The following MX2 variants were observed in gnomAD, a reference collection of about 807,000 sequenced individuals.
The protein encoded by MX2 is MX dynamin like GTPase 2.
In MX2, 51 loss-of-function variants were observed where a neutral mutation model predicts 74.0. The ratio of observed to expected loss-of-function variants is 0.69; its 90% CI spans 0.55 to 0.87. The LOEUF (loss-of-function observed/expected upper bound fraction) is 0.87. MX2 is among the 40% of genes least tolerant of loss of function. MX2 has a pLI of 0.00. For synonymous variants in MX2, 369 were observed against 339.3 expected, an observed-to-expected ratio of 1.09 and a Z score of -0.96; for missense variants, 832 against 908.7, an observed-to-expected ratio of 0.92 and a Z score of 1.09.
intron 1 of MX2, among the ~76,000 whole-genome samples, chr21:41,362,556 GC>G (rs1463437880): frequency 2.6e-5 from 4 of 151,854 alleles, no homozygotes; most frequent in Non-Finnish European, 5.9e-5. Flanking sequence ...CTGATTTCTA[GC>G]CTTTGCCGAT....
At position 41,402,956 on chromosome 21, in the gene MX2, G is replaced by A. The variant is rs913055144; in HGVS notation, c.1574-311G>A. 3 of 328,230 alleles carry A rather than the reference G, an allele frequency of 9.1e-6. No homozygotes were observed. Among genetic ancestry groups the A allele is most frequent in the African/African-American group, 6.4e-5 (3 of 47,204 alleles). 20.3% of individuals were successfully genotyped at this position (328,230 alleles called of 1,614,324 possible). A position where few individuals can be genotyped will look rare whatever the true frequency, so the allele number is the denominator to read the frequency against. ...CTCACTAGCTCACTGCACACCTCCT[G>A]CCGGACACGGACTGGAACTGGTCCA... is the stretch of plus-strand genomic sequence containing the variant. On this transcript the variant is annotated intron_variant, in intron 11 of 13. Coordinates refer to ENST00000330714, the MANE Select transcript of MX2 (RefSeq NM_002463.2). This position sits in a 1 kb window ranked among gnomAD's most constrained non-coding sequence, Gnocchi z 4.5.
chr21:41,399,368 A>C, intron 10 of MX2, 31 bp downstream of exon 10: 1 of 1,607,710 alleles, frequency 6.2e-7, no homozygotes, highest in Non-Finnish European at 8.5e-7. Flanking sequence ...CCTGCAAAAC[A>C]GGGTGGTATT....
intron 4 of MX2, among the ~76,000 whole-genome samples, chr21:41,381,863 C>T (rs376655143): frequency 6.6e-6 from 1 of 152,152 alleles, no homozygotes; most frequent in East Asian, 1.9e-4. Flanking sequence ...ACTTCCTTAC[C>T]TTGTGGACTT....
chr21:41,393,020 C>T (rs1367849032), intron 6 of MX2, among the ~76,000 whole-genome samples: 2 of 146,860 alleles, frequency 1.4e-5, no homozygotes, highest in African/African-American at 2.5e-5. Context: ...GCACGAGAAT[C>T]GCTTGAACCT....
At chr21:41,386,818 G>A (rs1430599417) in intron 5 of MX2, among the ~76,000 whole-genome samples, 1 of 152,208 alleles carries the variant, frequency 6.6e-6, no homozygotes, top group Non-Finnish European at 1.5e-5. Context: ...TGGCTCAGGA[G>A]CCTGAACTCC....
chr21:41,369,718 A>C (rs2089298694), intron 1 of MX2, among the ~76,000 whole-genome samples: 1 of 152,058 alleles, frequency 6.6e-6, no homozygotes, highest in African/African-American at 2.4e-5. Flanking sequence ...CCTTCGGTAG[A>C]AGCCAGGGCC....
rs1207951621 is a variant in MX2, at chr21:41,380,442, G to T, written c.577+291G>T. 6.6e-6 allele frequency among the ~76,000 whole-genome samples: 1 copy of T among 151,902 alleles called. No homozygotes were observed. The highest frequency in any genetic ancestry group is 2.4e-5 in the African/African-American group (1 of 41,184). On this transcript the variant is annotated intron_variant, in intron 4 of 13. Coordinates refer to ENST00000330714, the MANE Select transcript of MX2 (RefSeq NM_002463.2). The surrounding 1 kb of genome is among the most constrained non-coding windows in gnomAD (Gnocchi z 4.3). ...CCTCTCCCGCTCCCCGCCAGCCCAG[G>T]CTTTCTCTACTCCACAGGGTACTCG...
intron 6 of MX2, among the ~76,000 whole-genome samples, chr21:41,391,181 A>T (rs1049982951): frequency 5.9e-5 from 9 of 152,140 alleles, no homozygotes; most frequent in Non-Finnish European, 1.0e-4. Context: ...TGAAGTAGGT[A>T]ATATCAACTG....
chr21:41,377,879 C>A lies in MX2; in HGVS notation c.340C>A (p.Gln114Lys). The A allele has an allele frequency of 1.9e-6, 3 of 1,614,244 alleles. No homozygotes were observed. Among genetic ancestry groups the A allele is most frequent in the Non-Finnish European group, 2.5e-6 (3 of 1,180,050 alleles). The stretch of plus-strand genomic sequence containing the variant: ...CTCCCTGCGGGCTCTGGGTGTGGAG[C>A]AGGACCTGGCCCTGCCAGCCATCGC... Reference protein sequence around the residue: ...IDSLRALGVEQDLALPAIAVI... With the variant: ...IDSLRALGVEKDLALPAIAVI... Residue 114 changes from glutamine to lysine, a missense_variant, in exon 3 of 14, where the codon CAG becomes AAG. Coordinates refer to ENST00000330714, the MANE Select transcript of MX2 (RefSeq NM_002463.2).
rs889343741 is a variant in MX2, at chr21:41,368,639, A to ATGAGGG, written c.-72+6599_-72+6604dup. Among the ~76,000 whole-genome samples the ATGAGGG allele has an allele frequency of 4.6e-5, 7 of 152,306 alleles. No homozygotes were observed. Among genetic ancestry groups the ATGAGGG allele is most frequent in the Middle Eastern group, 6.8e-3 (2 of 294 alleles). ...TTAGCAAGACCTGCCCTTCATGAAA[A>ATGAGGG]TGAGGGTGAGGGTGAGGGTGGCGAC... is the stretch of plus-strand genomic sequence containing the variant. On this transcript the variant is annotated intron_variant, in intron 1 of 13. Transcript: ENST00000330714. The surrounding 1 kb of genome is among the most constrained non-coding windows in gnomAD (Gnocchi z 4.6).
At chr21:41,373,639 C>T (rs955232650) in intron 1 of MX2, among the ~76,000 whole-genome samples, 1 of 152,062 alleles carries the variant, frequency 6.6e-6, no homozygotes, top group African/African-American at 2.4e-5. Context: ...TTCAAAGCAT[C>T]CAGAATCCAG....
At chr21:41,407,933 C>A in intron 13 of MX2, 58 bp from the exon 14 acceptor site, 1 of 1,598,962 alleles carries the variant, frequency 6.3e-7, no homozygotes, top group Non-Finnish European at 8.5e-7. Flanking sequence ...CTTCTCTCTG[C>A]AACCACAGGC....
At chr21:41,390,821 C>A in intron 6 of MX2, 118 bp downstream of exon 6, 3 of 1,140,944 alleles carry the variant, frequency 2.6e-6, no homozygotes, top group Non-Finnish European at 3.7e-6. Context: ...CTGGCTAATC[C>A]GGTGAAACCT....
intron 12 of MX2, among the ~76,000 whole-genome samples, chr21:41,405,904 A>T (rs995713385): frequency 1.3e-5 from 2 of 149,640 alleles, no homozygotes; most frequent in Non-Finnish European, 3.0e-5. Context: ...GGGGTTCGTC[A>T]TGTTGGCCAA....
intron 6 of MX2, among the ~76,000 whole-genome samples, chr21:41,390,987 CAG>C: frequency 6.8e-6 from 1 of 146,048 alleles, no homozygotes; most frequent in African/African-American, 2.5e-5. Flanking sequence ...GCTTGGGCGA[CAG>C]AGCAAGACTC....
chr21:41,400,015 C>G (rs1001183567), intron 10 of MX2, among the ~76,000 whole-genome samples: 1 of 152,166 alleles, frequency 6.6e-6, no homozygotes, highest in Admixed American at 6.5e-5. Flanking sequence ...GGGGGCCAGC[C>G]CCACATGAAG....
rs760005073 is a variant in MX2 at position 41,397,700 on chromosome 21, C to T, written c.1149+9C>T. 5 of 1,613,154 alleles carry T rather than the reference C, an allele frequency of 3.1e-6. No individual in the cohort carries two copies. The highest frequency in any genetic ancestry group is 2.7e-5 in the African/African-American group (2 of 74,880). On this transcript the variant is annotated intron_variant, in intron 8 of 13. Coordinates refer to ENST00000330714, the MANE Select transcript of MX2 (RefSeq NM_002463.2). ...TCATCATGCATATCCAAGTGAGCCA[C>T]GTGGGTTGGGTGACAAGTCATCAAT...
At chr21:41,389,838 G>A (rs2089632586) in intron 5 of MX2, 1 of 152,138 alleles carries the variant, frequency 6.6e-6, no homozygotes, top group Non-Finnish European at 1.5e-5. Flanking sequence ...ATGTCCCAAG[G>A]TGCCAGCTTT....
chr21:41,376,622 C>G (rs1235993524), intron 1 of MX2, among the ~76,000 whole-genome samples: 1 of 152,124 alleles, frequency 6.6e-6, no homozygotes, highest in African/African-American at 2.4e-5. Flanking sequence ...CACTGCCCCC[C>G]GTTCCCCAAG....
Sources: allele counts gnomAD v4.1 joint callset (sites outside exome capture counted in the v4.1 genomes callset), GRCh38; gene constraint gnomAD v4.1.1; non-coding constraint Gnocchi (gnomAD v3.1); transcripts MANE v1.5; gene names NCBI Gene and HGNC (gene_info 2026-07-23, HGNC 2026-07-21).